The following NEBL variants were observed in gnomAD, a reference collection of about 807,000 sequenced individuals.
The protein encoded by NEBL is nebulette.
Under a neutral mutation model 140.2 loss-of-function variants are expected in NEBL, and 122 were observed. That is an observed-to-expected ratio of 0.87 (90% CI 0.75 to 1.01). The LOEUF is 1.01. Ranked by LOEUF, NEBL falls within the 50% of genes least tolerant of loss-of-function variation. NEBL has a pLI of 0.00. For missense variants in NEBL, 1,365 were observed against 1,231.3 expected (o/e 1.11, Z -1.62); for synonymous variants, 436 against 398.9 (o/e 1.09, Z -1.11).
chr10:21,039,151 T>C (rs1022884092), intron 2 of NEBL, among the ~76,000 whole-genome samples: 1 of 149,146 alleles, frequency 6.7e-6, no homozygotes, highest in South Asian at 2.1e-4. Flanking sequence ...GTTACTTGCA[T>C]AAATTTTCTC....
intron 3 of NEBL, among the ~76,000 whole-genome samples, chr10:21,212,480 C>T (rs1484861721): frequency 6.6e-6 from 1 of 152,194 alleles, no homozygotes; most frequent in Non-Finnish European, 1.5e-5. Flanking sequence ...CAAGCAACGG[C>T]TGAAAAGATG....
intron 3 of NEBL, among the ~76,000 whole-genome samples, chr10:20,989,941 G>A (rs1267330043): frequency 1.3e-5 from 2 of 152,164 alleles, no homozygotes; most frequent in Non-Finnish European, 1.5e-5. Context: ...AATTACTGCT[G>A]AAATATGAGC....
chr10:20,831,213 A>T lies in NEBL; in HGVS notation c.1654T>A (p.Ser552Thr). ...IPDILRAKRT[S>T]EIYSQRKYKD... ...TGACCAACCTGGCTATAGATTTCAG[A>T]TGTCCTCTTGGCTCGAAGGATATCT... Residue 552 changes from serine (S) to threonine (T), a missense_variant, in exon 16 of 28, where the codon TCT becomes ACT. Physicochemically the swap from Ser to Thr is moderately conservative, Grantham distance 58. Transcript: ENST00000377122. 1 of 1,612,560 alleles carries T rather than the reference A, an allele frequency of 6.2e-7. No homozygotes were observed. Among genetic ancestry groups the T allele is most frequent in the Non-Finnish European group, 8.5e-7 (1 of 1,178,826 alleles).
chr10:21,040,410 A>G (rs1007830369), intron 2 of NEBL, among the ~76,000 whole-genome samples: 1 of 152,194 alleles, frequency 6.6e-6, no homozygotes, highest in Non-Finnish European at 1.5e-5. Flanking sequence ...TGGCACCAGC[A>G]TCTGTTTCTG....
intron 4 of NEBL, among the ~76,000 whole-genome samples, chr10:20,936,100 T>C (rs892264663): frequency 2.0e-5 from 3 of 152,242 alleles, no homozygotes; most frequent in African/African-American, 7.2e-5. Context: ...AGCATTTCCA[T>C]GCCAAAATCT....
At chr10:20,948,139 TA>T (rs1002482968) in intron 4 of NEBL, among the ~76,000 whole-genome samples, 1 of 152,224 alleles carries the variant, frequency 6.6e-6, no homozygotes. Flanking sequence ...TTCTTTCATT[TA>T]GGGGGAAGTA....
chr10:20,951,387 CAAA>C (rs11345723), intron 4 of NEBL, among the ~76,000 whole-genome samples: 1 of 117,776 alleles, frequency 8.5e-6, no homozygotes. Context: ...AAAATATGAG[CAAA>C]AAAAAAAAAA....
At position 20,799,729 on chromosome 10, in the gene NEBL, G is replaced by A. The variant is rs183814738; in HGVS notation, c.2761+8781C>T. Among the ~76,000 whole-genome samples the A allele has an allele frequency of 4.1e-3, 627 of 152,238 alleles. 6 individuals are homozygous for A. The highest frequency in any genetic ancestry group is 0.014 in the African/African-American group (599 of 41,554). On this transcript the variant is annotated intron_variant, in intron 26 of 27. Coordinates refer to ENST00000377122, the MANE Select transcript of NEBL (RefSeq NM_006393.3). ...GTCACCAATCAGTAGTCAGAAAACC[G>A]AAGCAGTGGCTAAAATAGAAACACC...
intron 3 of NEBL, among the ~76,000 whole-genome samples, chr10:21,212,562 T>G (rs1841935818): frequency 6.6e-6 from 1 of 152,182 alleles, no homozygotes; most frequent in African/African-American, 2.4e-5. Context: ...AGGAAGTAAA[T>G]TACAGAAGCT....
intron 7 of NEBL, among the ~76,000 whole-genome samples, chr10:20,864,686 GC>G (rs1316628404): frequency 2.0e-5 from 3 of 151,996 alleles, no homozygotes; most frequent in African/African-American, 7.2e-5. Context: ...TAAATCATTT[GC>G]CTTCTATGTA....
chr10:20,796,497 C>A (rs1490307770), intron 26 of NEBL, among the ~76,000 whole-genome samples: 2 of 151,254 alleles, frequency 1.3e-5, no homozygotes, highest in Non-Finnish European at 2.9e-5. Flanking sequence ...ACTTAATTAG[C>A]CTCACAAACC....
At chr10:21,218,983 C>T (rs559251513) in intron 3 of NEBL, among the ~76,000 whole-genome samples, 2 of 152,270 alleles carry the variant, frequency 1.3e-5, no homozygotes, top group Admixed American at 1.3e-4. Flanking sequence ...AACCTTATGC[C>T]CTGCTTTTAG....
chr10:20,852,889 G>A (rs1842689590), intron 9 of NEBL, among the ~76,000 whole-genome samples: 1 of 152,170 alleles, frequency 6.6e-6, no homozygotes, highest in Non-Finnish European at 1.5e-5. Flanking sequence ...ACAATTAACC[G>A]CAAACATAAT....
chr10:20,919,788 C>G (rs1444252713), intron 4 of NEBL, among the ~76,000 whole-genome samples: 2 of 151,952 alleles, frequency 1.3e-5, no homozygotes, highest in African/African-American at 4.8e-5. Flanking sequence ...AATCCGGAAC[C>G]TACAGGAAAA....
At chr10:20,942,387 T>C (rs1193974313) in intron 4 of NEBL, among the ~76,000 whole-genome samples, 2 of 152,200 alleles carry the variant, frequency 1.3e-5, no homozygotes, top group Non-Finnish European at 2.9e-5. Flanking sequence ...GCTAGCCATA[T>C]GTACAAAGCT....
Position 21,045,243 on chromosome 10 carries a change from G to A in NEBL, c.165-25042C>T, listed in dbSNP as rs76222543. Among the ~76,000 whole-genome samples the A allele has an allele frequency of 4.1e-3, 620 of 152,324 alleles. 5 individuals are homozygous for A. The highest frequency in any genetic ancestry group is 0.014 in the African/African-American group (578 of 41,580). ...TAAATTAATAGAATCAAAAGAAAAT[G>A]TATGCTCAGAGATGAAATCTGACCA... is the stretch of plus-strand genomic sequence containing the variant. On this transcript the variant is annotated intron_variant, in intron 2 of 6. Coordinates refer to the NEBL transcript ENST00000417816.
Position 20,783,274 on chromosome 10 carries a change from T to C in NEBL, c.*2473A>G, listed in dbSNP as rs1232404244. 2 of 152,168 alleles carry C rather than the reference T, an allele frequency of 1.3e-5. No homozygotes were observed. The highest frequency in any genetic ancestry group is 2.9e-5 in the Non-Finnish European group (2 of 68,032). 9.4% of individuals were successfully genotyped at this position (152,168 alleles called of 1,614,324 possible). A position where few individuals can be genotyped will look rare whatever the true frequency, so the allele number is the denominator to read the frequency against. On this transcript the variant is annotated 3_prime_UTR_variant, in exon 28 of 28. Coordinates refer to ENST00000377122, the MANE Select transcript of NEBL (RefSeq NM_006393.3). Reference sequence around the variant, plus strand: ...ATGCTTAACATCCTGACAAGCTTTATTAACAACTGCCAACACTACCAAATT... The same window carrying C: ...ATGCTTAACATCCTGACAAGCTTTACTAACAACTGCCAACACTACCAAATT...
At chr10:20,878,406 G>A (rs1022663265) in intron 5 of NEBL, among the ~76,000 whole-genome samples, 2 of 152,186 alleles carry the variant, frequency 1.3e-5, no homozygotes, top group African/African-American at 4.8e-5. Flanking sequence ...ATAGTGCAAA[G>A]TGACAGTCTG....
intron 4 of NEBL, among the ~76,000 whole-genome samples, chr10:20,958,814 T>C (rs1835924079): frequency 6.6e-6 from 1 of 152,158 alleles, no homozygotes; most frequent in Non-Finnish European, 1.5e-5. Context: ...TCATTACAGC[T>C]ACCCAGAAAA....
Sources: gnomAD v4.1 joint callset for allele counts (sites outside exome capture counted in the v4.1 genomes callset) on GRCh38, gnomAD v4.1.1 for gene constraint, MANE v1.5 for transcripts, NCBI Gene and HGNC (gene_info 2026-07-23, HGNC 2026-07-21) for gene names.